Variants in FBXL7 observed in about 807,000 individuals in gnomAD.
FBXL7 encodes the protein F-box and leucine rich repeat protein 7, also known as F-box/LRR-repeat protein 7.
FBXL7 carries 12 observed loss-of-function variants against 38.3 expected under a neutral mutation model. The ratio of observed to expected loss-of-function variants is 0.31; its 90% CI spans 0.20 to 0.51. The LOEUF is 0.51. FBXL7 is among the 20% of genes least tolerant of loss of function. The probability of loss-of-function intolerance (pLI) is 0.98; values close to 1 mark genes in which losing one functional copy is unlikely to be tolerated. For synonymous variants in FBXL7, 297 were observed against 300.9 expected (o/e 0.99, Z 0.13); for missense variants, 567 against 676.4 (o/e 0.84, Z 1.79).
At chr5:15,581,785 G>T (rs998518428) in intron 1 of FBXL7, among the ~76,000 whole-genome samples, 5 of 151,998 alleles carry the variant, frequency 3.3e-5, no homozygotes, top group African/African-American at 9.7e-5. Context: ...CCACACAGTT[G>T]TGTGTGAATT....
intron 1 of FBXL7, among the ~76,000 whole-genome samples, chr5:15,585,227 A>G (rs544080099): frequency 7.9e-5 from 12 of 152,346 alleles, no homozygotes; most frequent in African/African-American, 2.9e-4. Context: ...ATTAGATGAA[A>G]GGAAAGACAG....
At chr5:15,839,372 G>C (rs1579508187) in intron 2 of FBXL7, among the ~76,000 whole-genome samples, 1 of 151,896 alleles carries the variant, frequency 6.6e-6, no homozygotes, top group African/African-American at 2.4e-5. Context: ...TTTGTTCTTT[G>C]TATTTAGGTC....
intron 2 of FBXL7, among the ~76,000 whole-genome samples, chr5:15,719,360 C>T (rs1381946238): frequency 8.1e-6 from 1 of 122,860 alleles, no homozygotes; most frequent in Non-Finnish European, 1.9e-5. Context: ...ATTTAATGAG[C>T]ATCTCTGATG....
At chr5:15,804,033 C>G (rs1737641122) in intron 2 of FBXL7, among the ~76,000 whole-genome samples, 1 of 152,186 alleles carries the variant, frequency 6.6e-6, no homozygotes, top group South Asian at 2.1e-4. Flanking sequence ...TTCTTACAAC[C>G]ACATACTGTT....
At chr5:15,847,857 C>T (rs898142925) in intron 2 of FBXL7, among the ~76,000 whole-genome samples, 12 of 152,066 alleles carry the variant, frequency 7.9e-5, no homozygotes, top group Non-Finnish European at 1.2e-4. Flanking sequence ...GAGAGCCACC[C>T]GCAGTGGGCA....
Position 15,895,714 on chromosome 5 carries a change from GCTCACTGCAAA to G in FBXL7, c.128-32172_128-32162del, listed in dbSNP as rs1244252223. Among the ~76,000 whole-genome samples, 14 of 146,214 alleles carry G rather than the reference GCTCACTGCAAA, an allele frequency of 9.6e-5. No homozygotes were observed. In the South Asian group the frequency reaches 1.8e-3, roughly 18 times the overall value. On this transcript the variant is annotated intron_variant, in intron 2 of 3. Coordinates refer to ENST00000504595, the MANE Select transcript of FBXL7 (RefSeq NM_012304.5). ...TCTGGAGTGCAGTGGCGCAAACTCG[GCTCACTGCAAA>G]CTCTGCCTCCTGGGTTCACGCCATT... is the stretch of plus-strand genomic sequence containing the variant.
chr5:15,564,408 GTGTGTGTA>G (rs1039231191), intron 1 of FBXL7, among the ~76,000 whole-genome samples: 37 of 135,652 alleles, frequency 2.7e-4, no homozygotes, highest in African/African-American at 9.1e-4. Flanking sequence ...GTGTGTGTGT[GTGTGTGTA>G]TGTGTATACA....
intron 2 of FBXL7, among the ~76,000 whole-genome samples, chr5:15,804,735 C>T (rs577650559): frequency 1.8e-4 from 27 of 152,116 alleles, no homozygotes; most frequent in African/African-American, 5.8e-4. Context: ...GGAGTGAGAA[C>T]CTGATTGTGA....
intron 2 of FBXL7, among the ~76,000 whole-genome samples, chr5:15,754,384 A>G (rs996496234): frequency 1.3e-5 from 2 of 152,180 alleles, no homozygotes; most frequent in Admixed American, 6.5e-5. Flanking sequence ...CTGAGTGGTC[A>G]AACCCCCCAA....
At chr5:15,613,391 C>G (rs75203591) in intron 1 of FBXL7, among the ~76,000 whole-genome samples, 12,829 of 152,208 alleles carry the variant, frequency 0.084, 620 homozygotes, top group South Asian at 0.13. Flanking sequence ...AAAGATGAAC[C>G]ATGGCAGATA....
At chr5:15,650,434 C>T (rs746012645) in intron 2 of FBXL7, among the ~76,000 whole-genome samples, 7 of 152,206 alleles carry the variant, frequency 4.6e-5, no homozygotes, top group Non-Finnish European at 4.4e-5. Flanking sequence ...TTCACTTCAT[C>T]GTTGATGGCT....
chr5:15,816,420 A>G (rs1738016040), intron 2 of FBXL7, among the ~76,000 whole-genome samples: 1 of 152,206 alleles, frequency 6.6e-6, no homozygotes, highest in South Asian at 2.1e-4. Context: ...GTTCTCACTT[A>G]CAAGTGGGAG....
chr5:15,594,988 C>T (rs1739584293), intron 1 of FBXL7, among the ~76,000 whole-genome samples: 1 of 151,086 alleles, frequency 6.6e-6, no homozygotes, highest in Non-Finnish European at 1.5e-5. Context: ...AGAGGTTCAC[C>T]CTGACCTTTT....
chr5:15,512,763 A>G (rs1392166632), intron 1 of FBXL7, among the ~76,000 whole-genome samples: 1 of 152,098 alleles, frequency 6.6e-6, no homozygotes, highest in Non-Finnish European at 1.5e-5. Flanking sequence ...TTGTTGACCT[A>G]TTTTCAATGA....
At chr5:15,659,601 C>A (rs537135295) in intron 2 of FBXL7, among the ~76,000 whole-genome samples, 6 of 152,094 alleles carry the variant, frequency 3.9e-5, no homozygotes, top group Non-Finnish European at 8.8e-5. Context: ...TAAATACAAA[C>A]AAGGATATTT....
At chr5:15,825,067 T>G (rs1370277347) in intron 2 of FBXL7, among the ~76,000 whole-genome samples, 1 of 152,204 alleles carries the variant, frequency 6.6e-6, no homozygotes, top group Non-Finnish European at 1.5e-5. Flanking sequence ...GGTTTTTTAT[T>G]TTAAGCCAAA....
intron 2 of FBXL7, among the ~76,000 whole-genome samples, chr5:15,748,765 C>T (rs1414575474): frequency 1.3e-5 from 2 of 152,140 alleles, no homozygotes; most frequent in African/African-American, 2.4e-5. Flanking sequence ...TGCAGTGATG[C>T]AATCATAGCT....
intron 2 of FBXL7, among the ~76,000 whole-genome samples, chr5:15,701,490 T>A (rs956626827): frequency 6.6e-6 from 1 of 152,200 alleles, no homozygotes; most frequent in Non-Finnish European, 1.5e-5. Flanking sequence ...TTGTCATGCT[T>A]CAGTTCTTTC....
chr5:15,575,981 T>C (rs996839990), intron 1 of FBXL7, among the ~76,000 whole-genome samples: 1 of 152,150 alleles, frequency 6.6e-6, no homozygotes. Context: ...GCACTGTGTT[T>C]TTTTGTGTTT....
Sources: allele counts gnomAD v4.1 joint callset (sites outside exome capture counted in the v4.1 genomes callset), GRCh38; gene constraint gnomAD v4.1.1; transcripts MANE v1.5; gene names NCBI Gene and HGNC (gene_info 2026-07-23, HGNC 2026-07-21).